ARHGAP42: variants seen among roughly 807,000 people sequenced by gnomAD.
ARHGAP42 encodes the protein Rho GTPase activating protein 42.
In ARHGAP42, 63 loss-of-function variants were observed where a neutral mutation model predicts 125.0. The observed-to-expected ratio is 0.50, with a 90% CI of 0.41 to 0.62. ARHGAP42 has a LOEUF of 0.62. Among genes scored for constraint, ARHGAP42 ranks in the 20% least tolerant of loss-of-function variants. The pLI is 0.00. For missense variants in ARHGAP42, 766 were observed against 1,024.2 expected (o/e 0.75, Z 3.44); for synonymous variants, 339 against 351.0 (o/e 0.97, Z 0.38).
chr11:100,990,524 A>G lies in ARHGAP42; in HGVS notation c.*1723A>G, dbSNP rs540764203. On this transcript the variant is annotated 3_prime_UTR_variant, in exon 24 of 24. Coordinates refer to ENST00000298815, the MANE Select transcript of ARHGAP42 (RefSeq NM_152432.4). ...TCAGTGAATCAAAAGAATGAAAAATATTATGTAATAAAAATTAGCAATGTA... is the reference window on the plus strand; with the variant it reads ...TCAGTGAATCAAAAGAATGAAAAATGTTATGTAATAAAAATTAGCAATGTA... The G allele has an allele frequency of 6.6e-6, 1 of 152,352 alleles. No individual in the cohort carries two copies. The highest frequency in any genetic ancestry group is 2.1e-4 in the South Asian group (1 of 4,824). 9.4% of individuals were successfully genotyped at this position (152,352 alleles called of 1,614,324 possible). A position where few individuals can be genotyped will look rare whatever the true frequency, so the allele number is the denominator to read the frequency against.
At chr11:100,850,425 A>G (rs1320664062) in intron 3 of ARHGAP42, among the ~76,000 whole-genome samples, 1 of 152,176 alleles carries the variant, frequency 6.6e-6, no homozygotes, top group African/African-American at 2.4e-5. Flanking sequence ...CTGCAATGTC[A>G]CAACAGCTAT....
intron 6 of ARHGAP42, among the ~76,000 whole-genome samples, 191 bp from the exon 7 acceptor site, chr11:100,932,965 C>T (rs1867626945): frequency 6.6e-6 from 1 of 152,078 alleles, no homozygotes; most frequent in African/African-American, 2.4e-5. Flanking sequence ...TTACTGTCTA[C>T]CAAAAAGGAA....
At chr11:100,933,448 GTTTAT>G (rs1327230306) in intron 7 of ARHGAP42, among the ~76,000 whole-genome samples, 188 bp downstream of exon 7, 19 of 152,292 alleles carry the variant, frequency 1.2e-4, no homozygotes, top group Admixed American at 8.5e-4. Context: ...ACACCTGAAA[GTTTAT>G]TAACTTTTGC....
intron 3 of ARHGAP42, among the ~76,000 whole-genome samples, chr11:100,826,921 T>C (rs924971783): frequency 6.6e-5 from 10 of 151,448 alleles, no homozygotes; most frequent in African/African-American, 2.4e-4. Flanking sequence ...ACATGGATTT[T>C]AAAAAAAGAG....
chr11:100,764,148 A>G (rs956251561), intron 1 of ARHGAP42, among the ~76,000 whole-genome samples: 1 of 151,642 alleles, frequency 6.6e-6, no homozygotes, highest in African/African-American at 2.4e-5. Flanking sequence ...TAGCCTCCTG[A>G]GTAGCTAAGA....
At chr11:100,926,615 A>G (rs535250953) in intron 6 of ARHGAP42, among the ~76,000 whole-genome samples, 2 of 152,224 alleles carry the variant, frequency 1.3e-5, no homozygotes, top group Non-Finnish European at 2.9e-5. Context: ...AATATGGCAC[A>G]CTTTACAAAT....
At chr11:100,717,019 AAC>A (rs1861673501) in intron 1 of ARHGAP42, among the ~76,000 whole-genome samples, 1 of 152,210 alleles carries the variant, frequency 6.6e-6, no homozygotes, top group Admixed American at 6.5e-5. Context: ...TCTGTTGAAT[AAC>A]ACACATCACT....
At chr11:100,845,328 A>G (rs573601441) in intron 3 of ARHGAP42, among the ~76,000 whole-genome samples, 10 of 152,046 alleles carry the variant, frequency 6.6e-5, no homozygotes, top group Admixed American at 1.3e-4. Flanking sequence ...GAATGATACA[A>G]TGGACTTTGG....
chr11:100,843,030 G>A (rs1467734160), intron 3 of ARHGAP42, among the ~76,000 whole-genome samples: 1 of 151,932 alleles, frequency 6.6e-6, no homozygotes, highest in Non-Finnish European at 1.5e-5. Flanking sequence ...ACAAAAAGCT[G>A]GTTCTTTGAA....
intron 1 of ARHGAP42, among the ~76,000 whole-genome samples, chr11:100,718,509 C>G (rs1502283): frequency 0.062 from 9,485 of 152,160 alleles, 414 homozygotes; most frequent in East Asian, 0.21. Context: ...AAATTTGAAA[C>G]AGCAAAATGC....
At chr11:100,863,434 C>T (rs187407634) in intron 4 of ARHGAP42, among the ~76,000 whole-genome samples, 1 of 152,312 alleles carries the variant, frequency 6.6e-6, no homozygotes, top group Admixed American at 6.5e-5. Flanking sequence ...CCTTGCCTAA[C>T]AACCAGATGA....
intron 12 of ARHGAP42, among the ~76,000 whole-genome samples, chr11:100,954,550 A>G (rs146397870): frequency 1.3e-5 from 2 of 152,158 alleles, no homozygotes; most frequent in African/African-American, 4.8e-5. Flanking sequence ...TTCTCATTCT[A>G]TGCAGTTACC....
chr11:100,881,726 A>ATTTG (rs1246480615), intron 4 of ARHGAP42, among the ~76,000 whole-genome samples: 2 of 151,928 alleles, frequency 1.3e-5, no homozygotes, highest in African/African-American at 4.8e-5. Flanking sequence ...ATGTGTTTCT[A>ATTTG]TTTGTTTGTG....
chr11:100,804,158 A>C (rs1591194162), intron 3 of ARHGAP42, among the ~76,000 whole-genome samples: 1 of 152,078 alleles, frequency 6.6e-6, no homozygotes, highest in African/African-American at 2.4e-5. Flanking sequence ...TTATCTTTTT[A>C]TTTTTATTTT....
rs747794319 is a variant in ARHGAP42 at position 100,988,846 on chromosome 11, G to A, written c.*45G>A. The A allele has an allele frequency of 7.2e-6, 10 of 1,384,284 alleles. 1 individual carries two copies. The highest frequency in any genetic ancestry group is 2.4e-4 in the Middle Eastern group (1 of 4,122). 85.8% of individuals were successfully genotyped at this position (1,384,284 alleles called of 1,614,324 possible). A position where few individuals can be genotyped will look rare whatever the true frequency, so the allele number is the denominator to read the frequency against. ...GTATCTTCATGGTATCCATGGTAAC[G>A]AATAAATGCTATGATTTTATCTGAC... is the stretch of plus-strand genomic sequence containing the variant. On this transcript the variant is annotated 3_prime_UTR_variant, in exon 24 of 24. Transcript: ENST00000298815.
At chr11:100,831,668 G>A (rs1038000069) in intron 3 of ARHGAP42, among the ~76,000 whole-genome samples, 8 of 152,104 alleles carry the variant, frequency 5.3e-5, no homozygotes, top group Admixed American at 1.3e-4. Context: ...GGAATTCCTT[G>A]CCTCTGCCAG....
chr11:100,971,162 G>A (rs688146), intron 17 of ARHGAP42, among the ~76,000 whole-genome samples: 41,463 of 151,894 alleles, frequency 0.27, 6,920 homozygotes, highest in East Asian at 0.74. Flanking sequence ...AGATTTGCTT[G>A]AACAAATATT....
chr11:100,725,619 T>A lies in ARHGAP42; in HGVS notation c.154+37787T>A, dbSNP rs1015301035. Among the ~76,000 whole-genome samples, 26 of 142,280 alleles carry A rather than the reference T, an allele frequency of 1.8e-4. 1 individual carries two copies. The highest frequency in any genetic ancestry group is 5.0e-4 in the African/African-American group (19 of 37,662). The allele number at this position is 142,280 out of a possible 152,430, so 93.3% of individuals were successfully genotyped here. ...CGGGCAACTGTATCTACCAAAAATT[T>A]AAAAAAACAAAAATAATAATAAAAA... On this transcript the variant is annotated intron_variant, in intron 1 of 23. Transcript: ENST00000298815.
intron 1 of ARHGAP42, among the ~76,000 whole-genome samples, chr11:100,760,115 T>A (rs556854580): frequency 6.6e-6 from 1 of 152,322 alleles, no homozygotes; most frequent in East Asian, 1.9e-4. Flanking sequence ...CAGATCTTGG[T>A]ATCTTAATGT....
Sources: allele counts gnomAD v4.1 joint callset (sites outside exome capture counted in the v4.1 genomes callset), GRCh38; gene constraint gnomAD v4.1.1; transcripts MANE v1.5; gene names NCBI Gene and HGNC (gene_info 2026-07-23, HGNC 2026-07-21).